Variants in FARS2 observed in about 807,000 individuals in gnomAD.
The protein encoded by FARS2 is phenylalanine--tRNA ligase, mitochondrial.
FARS2 carries 40 observed loss-of-function variants against 46.4 expected under a neutral mutation model. That is an observed-to-expected ratio of 0.86 (90% CI 0.67 to 1.12). The LOEUF (loss-of-function observed/expected upper bound fraction) is 1.12. Ranked by LOEUF, FARS2 falls within the 50% of genes most tolerant of loss-of-function variation. The pLI is 0.00. For missense variants in FARS2, 513 were observed against 567.9 expected, an observed-to-expected ratio of 0.90 and a Z score of 0.98; for synonymous variants, 234 against 214.9, an observed-to-expected ratio of 1.09 and a Z score of -0.78.
intron 4 of FARS2, among the ~76,000 whole-genome samples, chr6:5,500,933 CGAGAGAGAGAGAGAGAGAGA>C (rs58128430): frequency 3.5e-5 from 5 of 143,546 alleles, no homozygotes; most frequent in African/African-American, 8.0e-5. Context: ...TTCAAATCCC[CGAGAGAGAGAGAGAGAGAGA>C]GAGAGAGAGA....
At chr6:5,260,598 T>TGCCCCGGCCCCGGGGGC, upstream of FARS2, 1 of 1,105,570 alleles carries the variant, frequency 9.0e-7, no homozygotes, top group Non-Finnish European at 1.3e-6. Flanking sequence ...GCACCCCCGG[T>TGCCCCGGCCCCGGGGGC]CCCCGGCCCC....
chr6:5,448,856 T>C (rs1012162553), intron 4 of FARS2, among the ~76,000 whole-genome samples: 1 of 152,194 alleles, frequency 6.6e-6, no homozygotes, highest in Admixed American at 6.5e-5. Context: ...AGGATGGTGC[T>C]AAGTTAGCCT....
At chr6:5,769,847 A>C (rs1045202787) in intron 6 of FARS2, among the ~76,000 whole-genome samples, 1 of 152,196 alleles carries the variant, frequency 6.6e-6, no homozygotes, top group African/African-American at 2.4e-5. Flanking sequence ...CAAAATGCAC[A>C]TAACCCTGTG....
At chr6:5,265,116 A>G (rs548157362) in intron 1 of FARS2, among the ~76,000 whole-genome samples, 2 of 152,242 alleles carry the variant, frequency 1.3e-5, no homozygotes, top group Admixed American at 6.5e-5. Context: ...TCTTTTTGAC[A>G]GTTGCTGCGA....
rs1170594702 is a variant in FARS2 at position 5,263,619 on chromosome 6, G to T, written c.-22+1959G>T. On this transcript the variant is annotated intron_variant, in intron 1 of 6. Coordinates refer to ENST00000274680, the MANE Select transcript of FARS2 (RefSeq NM_006567.5). ...GTCCTTTAATAGTCATTCTATTCTGGGTTGAAATTTTTCTTAGAGAGTATC... is the reference window on the plus strand; with the variant it reads ...GTCCTTTAATAGTCATTCTATTCTGTGTTGAAATTTTTCTTAGAGAGTATC... Among the ~76,000 whole-genome samples the T allele has an allele frequency of 2.0e-5, 3 of 152,208 alleles. No homozygotes were observed. The East Asian group carries it at 5.8e-4, about 29-fold the overall frequency.
intron 1 of FARS2, among the ~76,000 whole-genome samples, chr6:5,281,066 G>T (rs1279287421): frequency 1.3e-5 from 2 of 152,160 alleles, no homozygotes; most frequent in Non-Finnish European, 2.9e-5. Context: ...TTGTACTCGA[G>T]TCTTCCACAA....
chr6:5,369,067 C>T lies in FARS2; in HGVS notation c.497C>T (p.Ala166Val), dbSNP rs538791135. The T allele has an allele frequency of 3.6e-5, 58 of 1,613,980 alleles. No homozygotes were observed. The East Asian group carries it at 8.0e-4, about 22-fold the overall frequency. The change falls in exon 2 of 7, where the codon GCG (alanine) becomes GTG (valine). Residue 166 changes from alanine to valine, a missense_variant. Physicochemically the swap from Ala to Val is moderately conservative, Grantham distance 64 (BLOSUM62 0). Transcript: ENST00000274680. ...GCACACCAGTGGGACTTGCTGCACG[C>T]GGGACTGGATGCCTTCCTGGTGGTG... ...TSAHQWDLLH[A>V]GLDAFLVVGD...
At chr6:5,615,090 T>G (rs770732557) in intron 6 of FARS2, among the ~76,000 whole-genome samples, 2 of 152,226 alleles carry the variant, frequency 1.3e-5, no homozygotes, top group Non-Finnish European at 2.9e-5. Context: ...ACCTCAGTAT[T>G]GATCTTTTCT....
At chr6:5,680,537 C>T (rs559716400) in intron 6 of FARS2, among the ~76,000 whole-genome samples, 3 of 152,314 alleles carry the variant, frequency 2.0e-5, no homozygotes, top group South Asian at 4.1e-4. Context: ...GCTGCCCCAT[C>T]GGTCCTGCCA....
At chr6:5,579,861 T>C (rs1434182592) in intron 5 of FARS2, among the ~76,000 whole-genome samples, 1 of 152,170 alleles carries the variant, frequency 6.6e-6, no homozygotes, top group Non-Finnish European at 1.5e-5. Context: ...AAAAATAAAA[T>C]AGCTTTAAAA....
rs540690112 is a variant in FARS2 at position 5,412,707 on chromosome 6, A to G, written c.772+8006A>G. On this transcript the variant is annotated intron_variant, in intron 3 of 6. Transcript: ENST00000274680. ...ATTGTTAGTGCTACATTCTTCCTAA[A>G]TGGAATCACATCAAAAATTGTAAGT... Among the ~76,000 whole-genome samples the G allele has an allele frequency of 4.7e-4, 72 of 152,338 alleles. 1 individual carries two copies. The highest frequency in any genetic ancestry group is 9.8e-4 in the Admixed American group (15 of 15,308).
intron 5 of FARS2, among the ~76,000 whole-genome samples, chr6:5,561,798 C>T (rs1193528654): frequency 6.6e-6 from 1 of 151,986 alleles, no homozygotes; most frequent in African/African-American, 2.4e-5. Flanking sequence ...TATATTGGAG[C>T]TTCTTAGTTA....
chr6:5,268,680 A>G (rs1351681666), intron 1 of FARS2, among the ~76,000 whole-genome samples: 2 of 152,154 alleles, frequency 1.3e-5, no homozygotes, highest in African/African-American at 4.8e-5. Flanking sequence ...TTGACTTGGC[A>G]ATGCGGGCTC....
chr6:5,341,198 TATATATATATATATATATATATATATATA>T (rs1771543688), intron 1 of FARS2, among the ~76,000 whole-genome samples: 1 of 5,738 alleles, frequency 1.7e-4, no homozygotes, highest in Non-Finnish European at 3.9e-4. Flanking sequence ...GATATATATA[TATATATATATATATATATATATATATATA>T]TATATATATT....
chr6:5,480,436 G>A (rs981286235), intron 4 of FARS2, among the ~76,000 whole-genome samples: 7 of 152,208 alleles, frequency 4.6e-5, no homozygotes, highest in Admixed American at 2.0e-4. Flanking sequence ...GGCGCAGAAC[G>A]CATCTGGTTT....
chr6:5,554,853 ACTGTTG>A (rs748418078), intron 5 of FARS2, among the ~76,000 whole-genome samples: 4 of 151,562 alleles, frequency 2.6e-5, no homozygotes, highest in African/African-American at 7.3e-5. Context: ...GTAAGCTGTT[ACTGTTG>A]CCTATACCAA....
intron 5 of FARS2, among the ~76,000 whole-genome samples, chr6:5,577,883 G>A (rs1041113365): frequency 6.6e-6 from 1 of 151,954 alleles, no homozygotes; most frequent in African/African-American, 2.4e-5. Context: ...CACACTGCAA[G>A]CTCTGCCTCC....
chr6:5,596,421 A>T (rs1774200858), intron 5 of FARS2, among the ~76,000 whole-genome samples: 1 of 152,224 alleles, frequency 6.6e-6, no homozygotes, highest in Non-Finnish European at 1.5e-5. Flanking sequence ...CCTTTTTGTC[A>T]TATGTAGGTA....
At position 5,294,942 on chromosome 6, in the gene FARS2, A is replaced by G. The variant is rs145055152; in HGVS notation, c.-22+33282A>G. ...CTTAAGACCCACTATCAGAAAGCTG[A>G]GGGAACATACAGTCAAAGGAGGGCA... is the stretch of plus-strand genomic sequence containing the variant. On this transcript the variant is annotated intron_variant, in intron 1 of 6. Coordinates refer to ENST00000274680, the MANE Select transcript of FARS2 (RefSeq NM_006567.5). Among the ~76,000 whole-genome samples, 315 of 152,308 alleles carry G rather than the reference A, an allele frequency of 2.1e-3. 2 individuals are homozygous for G. The highest frequency in any genetic ancestry group is 7.3e-3 in the African/African-American group (305 of 41,580).
Sources: gnomAD v4.1 joint callset for allele counts (sites outside exome capture counted in the v4.1 genomes callset) on GRCh38, gnomAD v4.1.1 for gene constraint, MANE v1.5 for transcripts, NCBI Gene and HGNC (gene_info 2026-07-23, HGNC 2026-07-21) for gene names.